The following MTMR7 variants were observed in gnomAD, a reference collection of about 807,000 sequenced individuals.
MTMR7 encodes the protein phosphatidylinositol-3-phosphate phosphatase MTMR7.
MTMR7 carries 76 observed loss-of-function variants against 81.2 expected under a neutral mutation model. The observed-to-expected ratio is 0.94, with a 90% CI of 0.78 to 1.13. The LOEUF (loss-of-function observed/expected upper bound fraction) is 1.13. Ranked by LOEUF, MTMR7 falls within the 50% of genes most tolerant of loss-of-function variation. The probability of loss-of-function intolerance (pLI) is 0.00; values close to 1 mark genes in which losing one functional copy is unlikely to be tolerated. For synonymous variants in MTMR7, 372 were observed against 289.8 expected, an observed-to-expected ratio of 1.28 and a Z score of -2.88; for missense variants, 1,044 against 820.0, an observed-to-expected ratio of 1.27 and a Z score of -3.34.
intron 7 of MTMR7, among the ~76,000 whole-genome samples, chr8:17,317,554 T>C (rs1563327310): frequency 6.6e-6 from 1 of 152,198 alleles, no homozygotes; most frequent in Non-Finnish European, 1.5e-5. Flanking sequence ...GGTCAACGTT[T>C]CCAGAAAGGT....
At chr8:17,363,184 TC>T (rs1228857578) in intron 3 of MTMR7, among the ~76,000 whole-genome samples, 1 of 152,228 alleles carries the variant, frequency 6.6e-6, no homozygotes, top group Non-Finnish European at 1.5e-5. Flanking sequence ...CAGATCCTGT[TC>T]TGGGAACAGT....
chr8:17,396,943 C>T (rs1821271316), intron 1 of MTMR7, among the ~76,000 whole-genome samples: 1 of 151,966 alleles, frequency 6.6e-6, no homozygotes, highest in African/African-American at 2.4e-5. Flanking sequence ...GGCCTTAGCT[C>T]CCAGATGACA....
At chr8:17,333,644 G>A (rs926473540) in intron 6 of MTMR7, among the ~76,000 whole-genome samples, 1 of 152,134 alleles carries the variant, frequency 6.6e-6, no homozygotes, top group Non-Finnish European at 1.5e-5. Flanking sequence ...GAGCTCAGGA[G>A]TTCAAGATCA....
rs1178624150 is a variant in MTMR7 at position 17,313,362 on chromosome 8, C to G, written c.905G>C (p.Trp302Ser). ...TAACCAGCCAGAGTTCTCCAGACCC[C>G]ACAGGAAATCACTCATGGAGGGAGA... ...LKSPSMSDFLWGLENSGWLRH... is the reference protein window; with the variant it reads ...LKSPSMSDFLSGLENSGWLRH... The change falls in exon 8 of 14, where the codon TGG (tryptophan) becomes TCG (serine). Residue 302 changes from tryptophan (W) to serine (S), a missense_variant. Transcript: ENST00000180173. 1 of 1,612,504 alleles carries G rather than the reference C, an allele frequency of 6.2e-7. No homozygotes were observed. Among genetic ancestry groups the G allele is most frequent in the Non-Finnish European group, 8.5e-7 (1 of 1,178,932 alleles).
At chr8:17,339,358 A>G (rs1293912068) in intron 6 of MTMR7, among the ~76,000 whole-genome samples, 1 of 152,204 alleles carries the variant, frequency 6.6e-6, no homozygotes, top group African/African-American at 2.4e-5. Context: ...AACCATCACC[A>G]TGATCTCATT....
At chr8:17,348,819 T>C (rs1208258790) in intron 5 of MTMR7, 134 bp downstream of exon 5, 4 of 1,029,132 alleles carry the variant, frequency 3.9e-6, no homozygotes, top group East Asian at 4.8e-5. Flanking sequence ...TGTCATACCA[T>C]GCACAGGAAT....
intron 1 of MTMR7, among the ~76,000 whole-genome samples, chr8:17,401,582 C>T (rs1821430123): frequency 6.6e-6 from 1 of 151,764 alleles, no homozygotes; most frequent in Admixed American, 6.6e-5. Context: ...GAAAAGGGGA[C>T]CAGGAAAGAG....
chr8:17,412,033 T>G (rs917252284), intron 1 of MTMR7, among the ~76,000 whole-genome samples: 4 of 152,234 alleles, frequency 2.6e-5, no homozygotes, highest in Non-Finnish European at 2.9e-5. Context: ...ACCTATTCTG[T>G]GGTTTGTAGC....
intron 1 of MTMR7, among the ~76,000 whole-genome samples, chr8:17,385,500 C>T (rs781220527): frequency 6.6e-6 from 1 of 152,192 alleles, no homozygotes; most frequent in Non-Finnish European, 1.5e-5. Flanking sequence ...TGCCCACCAC[C>T]ACGTAAGAAG....
intron 8 of MTMR7, 24 bp from the exon 9 acceptor site, chr8:17,311,660 G>C: frequency 1.2e-6 from 2 of 1,613,790 alleles, no homozygotes; most frequent in Non-Finnish European, 8.5e-7. Flanking sequence ...GATCCGCAAA[G>C]AGTCACAAAG....
intron 3 of MTMR7, among the ~76,000 whole-genome samples, chr8:17,361,976 T>G (rs1043344883): frequency 2.0e-5 from 3 of 152,190 alleles, no homozygotes; most frequent in African/African-American, 7.2e-5. Context: ...ATACTGCCTT[T>G]GATGCTTGTG....
At chr8:17,334,280 A>T (rs1819153102) in intron 6 of MTMR7, among the ~76,000 whole-genome samples, 1 of 152,218 alleles carries the variant, frequency 6.6e-6, no homozygotes, top group Non-Finnish European at 1.5e-5. Context: ...ATAAAAATTC[A>T]ATGTTATCTT....
intron 1 of MTMR7, 68 bp downstream of exon 1, chr8:17,413,201 C>CT: frequency 3.3e-6 from 5 of 1,512,294 alleles, no homozygotes; most frequent in Non-Finnish European, 4.5e-6. Context: ...CTCCCGCGCG[C>CT]TCAGCATCCC....
chr8:17,341,229 AC>A lies in MTMR7; in HGVS notation c.732+133del, dbSNP rs1819398063. 25 of 1,183,860 alleles carry A rather than the reference AC, an allele frequency of 2.1e-5. No homozygotes were observed. The South Asian group carries it at 2.8e-4, about 13-fold the overall frequency. The allele number at this position is 1,183,860 out of a possible 1,614,324, so 73.3% of individuals were successfully genotyped here. Reference sequence around the variant, plus strand: ...GAAGTAGCCAGCAGGGTGCCCAGACACTGACTATGCCAAGAGGAACCGCCCC... The same window carrying A: ...GAAGTAGCCAGCAGGGTGCCCAGACATGACTATGCCAAGAGGAACCGCCCC... On this transcript the variant is annotated intron_variant, in intron 6 of 13. Transcript: ENST00000180173.
intron 1 of MTMR7, among the ~76,000 whole-genome samples, chr8:17,394,839 T>C (rs1821203827): frequency 6.6e-6 from 1 of 152,140 alleles, no homozygotes; most frequent in African/African-American, 2.4e-5. Flanking sequence ...TAAGTATTAG[T>C]TCATTCGACA....
At chr8:17,318,601 T>A (rs1236453565) in intron 7 of MTMR7, among the ~76,000 whole-genome samples, 1 of 152,028 alleles carries the variant, frequency 6.6e-6, no homozygotes, top group African/African-American at 2.4e-5. Context: ...TGCAGTGGGG[T>A]CCTACCGCAT....
intron 6 of MTMR7, among the ~76,000 whole-genome samples, chr8:17,340,463 T>C (rs1819373835): frequency 6.6e-6 from 1 of 152,204 alleles, no homozygotes; most frequent in Non-Finnish European, 1.5e-5. Context: ...TGTCATCTCA[T>C]TCTGTCTGCT....
At chr8:17,348,081 C>T (rs192317789) in intron 5 of MTMR7, among the ~76,000 whole-genome samples, 1 of 152,132 alleles carries the variant, frequency 6.6e-6, no homozygotes, top group Non-Finnish European at 1.5e-5. Flanking sequence ...TTTTACGCAA[C>T]AGAAAAAAAT....
At chr8:17,386,584 C>G (rs1820950678) in intron 1 of MTMR7, among the ~76,000 whole-genome samples, 1 of 152,178 alleles carries the variant, frequency 6.6e-6, no homozygotes, top group African/African-American at 2.4e-5. Context: ...AAACACTCAG[C>G]TCCTCACCCT....
Sources: allele counts gnomAD v4.1 joint callset (sites outside exome capture counted in the v4.1 genomes callset), GRCh38; gene constraint gnomAD v4.1.1; transcripts MANE v1.5; gene names NCBI Gene and HGNC (gene_info 2026-07-23, HGNC 2026-07-21).